ADAMTS6: variants seen among roughly 807,000 people sequenced by gnomAD.
ADAMTS6 encodes the protein A disintegrin and metalloproteinase with thrombospondin motifs 6.
ADAMTS6 carries 23 observed loss-of-function variants against 144.3 expected under a neutral mutation model. That is an observed-to-expected ratio of 0.16 (90% CI 0.11 to 0.23). The LOEUF (loss-of-function observed/expected upper bound fraction) is 0.23, where lower values mean the gene tolerates loss of function less well. Among genes scored for constraint, ADAMTS6 ranks in the 10% least tolerant of loss-of-function variants. ADAMTS6 has a pLI of 1.00. For synonymous variants in ADAMTS6, 444 were observed against 457.5 expected (o/e 0.97, Z 0.38); for missense variants, 999 against 1,379.6 (o/e 0.72, Z 4.37).
At chr5:65,209,526 T>C (rs1237543603) in intron 20 of ADAMTS6, among the ~76,000 whole-genome samples, 2 of 152,212 alleles carry the variant, frequency 1.3e-5, no homozygotes, top group Non-Finnish European at 2.9e-5. Context: ...GACCATTACT[T>C]GGACTGAATC....
chr5:65,302,092 C>CAAAAA (rs1182825165), intron 9 of ADAMTS6, among the ~76,000 whole-genome samples: 1 of 19,976 alleles, frequency 5.0e-5, no homozygotes, highest in African/African-American at 1.8e-4. Flanking sequence ...GCTCTGTCTC[C>CAAAAA]AAAAAAAAAA....
intron 18 of ADAMTS6, 75 bp from the exon 19 acceptor site, chr5:65,215,562 T>A (rs945205233): frequency 3.0e-6 from 4 of 1,322,606 alleles, no homozygotes; most frequent in Admixed American, 2.1e-5. Flanking sequence ...ATTACTGCAA[T>A]AAAGTATACA....
intron 9 of ADAMTS6, among the ~76,000 whole-genome samples, chr5:65,318,358 A>G (rs1235188430): frequency 6.6e-6 from 1 of 152,160 alleles, no homozygotes; most frequent in Admixed American, 6.6e-5. Context: ...CTACCATATG[A>G]TCCAGCAATC....
Position 65,262,938 on chromosome 5 carries a change from G to A in ADAMTS6, c.1645C>T (p.Pro549Ser). ...ATGCTCTGGGGCCAAGTGCCAAAAG[G>A]AACACAATCTCCCTGATAACACCAC... ...KGWCYQGDCV[P>S]FGTWPQSIDG... Residue 549 changes from proline to serine, a missense_variant, in exon 13 of 25, where the codon CCT (proline) becomes TCT (serine). Around this residue, in one of 3 missense-constraint regions of ADAMTS6, gnomAD observed 619 missense variants for 837.0 expected, o/e 0.74. Transcript: ENST00000381055. 6.2e-7 allele frequency: 1 copy of A among 1,613,762 alleles called. No individual in the cohort carries two copies. Among genetic ancestry groups the A allele is most frequent in the Non-Finnish European group, 8.5e-7 (1 of 1,179,874 alleles).
rs565507599 is a variant in ADAMTS6, at chr5:65,403,135, T to C, written c.1073+48340A>G. ...TCTGATATAGATGATGATGCTTTCC[T>C]CCTTGAAACAATTTTTTCACTTGTC... On this transcript the variant is annotated intron_variant, in intron 7 of 24. Transcript: ENST00000381055. 2.4e-4 allele frequency among the ~76,000 whole-genome samples: 36 copies of C among 152,280 alleles called. 1 individual carries two copies. The South Asian group carries it at 7.0e-3, about 30-fold the overall frequency.
At chr5:65,203,981 CT>C (rs1755911459) in intron 20 of ADAMTS6, among the ~76,000 whole-genome samples, 1 of 152,148 alleles carries the variant, frequency 6.6e-6, no homozygotes, top group African/African-American at 2.4e-5. Context: ...CCAAACCCTG[CT>C]CGTGTTAGGG....
chr5:65,270,350 G>A (rs1761959422), intron 12 of ADAMTS6, among the ~76,000 whole-genome samples: 1 of 151,990 alleles, frequency 6.6e-6, no homozygotes, highest in South Asian at 2.1e-4. Flanking sequence ...TCCTTCTTAA[G>A]GAGAAAAAAA....
At chr5:65,264,211 C>T (rs1223035752) in intron 12 of ADAMTS6, among the ~76,000 whole-genome samples, 1 of 152,072 alleles carries the variant, frequency 6.6e-6, no homozygotes, top group Admixed American at 6.6e-5. Context: ...CACCTTTTTG[C>T]TTAAAAAAAC....
chr5:65,389,267 G>A (rs1752722224), intron 7 of ADAMTS6, among the ~76,000 whole-genome samples: 1 of 152,002 alleles, frequency 6.6e-6, no homozygotes, highest in African/African-American at 2.4e-5. Flanking sequence ...GAAAAATGAT[G>A]GGAGAATAAT....
At chr5:65,409,054 T>A (rs542812245) in intron 7 of ADAMTS6, among the ~76,000 whole-genome samples, 42 of 152,120 alleles carry the variant, frequency 2.8e-4, no homozygotes, top group African/African-American at 8.7e-4. Flanking sequence ...GCAGGAAAGA[T>A]CTAAAATGGA....
intron 12 of ADAMTS6, among the ~76,000 whole-genome samples, chr5:65,267,244 C>G (rs1052776530): frequency 6.6e-6 from 1 of 151,968 alleles, no homozygotes; most frequent in African/African-American, 2.4e-5. Flanking sequence ...AGTTTCTAAT[C>G]TTTATTTTCA....
intron 15 of ADAMTS6, among the ~76,000 whole-genome samples, chr5:65,232,713 T>A (rs1463041125): frequency 1.3e-5 from 2 of 149,928 alleles, no homozygotes; most frequent in African/African-American, 2.5e-5. Context: ...AAAAAAAACC[T>A]CTCATCAAAT....
At chr5:65,379,040 G>A (rs1346513648) in intron 7 of ADAMTS6, among the ~76,000 whole-genome samples, 3 of 152,096 alleles carry the variant, frequency 2.0e-5, no homozygotes, top group African/African-American at 7.2e-5. Context: ...TAAGATACAT[G>A]TGTTCATTAG....
chr5:65,288,495 T>C (rs1454036892), intron 11 of ADAMTS6, among the ~76,000 whole-genome samples: 1 of 152,050 alleles, frequency 6.6e-6, no homozygotes, highest in Non-Finnish European at 1.5e-5. Context: ...AATTTTTGTA[T>C]TTTTAGTAGA....
At chr5:65,204,839 T>C (rs1355267160) in intron 20 of ADAMTS6, among the ~76,000 whole-genome samples, 1 of 152,196 alleles carries the variant, frequency 6.6e-6, no homozygotes, top group Non-Finnish European at 1.5e-5. Flanking sequence ...CAAAAAATAA[T>C]AGTACATTGT....
At chr5:65,167,217 C>A (rs1459987879) in intron 24 of ADAMTS6, among the ~76,000 whole-genome samples, 3 of 150,562 alleles carry the variant, frequency 2.0e-5, no homozygotes, top group Non-Finnish European at 1.5e-5. Flanking sequence ...ACTGATCCCA[C>A]AGAAATACAA....
intron 20 of ADAMTS6, among the ~76,000 whole-genome samples, chr5:65,209,709 G>A (rs761947114): frequency 2.6e-4 from 39 of 152,180 alleles, no homozygotes; most frequent in Non-Finnish European, 5.6e-4. Context: ...AAAATAACAA[G>A]TGAGAACACT....
At chr5:65,277,965 G>T (rs781768020) in intron 11 of ADAMTS6, among the ~76,000 whole-genome samples, 3 of 152,036 alleles carry the variant, frequency 2.0e-5, no homozygotes, top group Non-Finnish European at 2.9e-5. Flanking sequence ...CTAATATGTA[G>T]TTTACCTCTA....
intron 14 of ADAMTS6, among the ~76,000 whole-genome samples, chr5:65,243,398 C>T (rs976348634): frequency 6.6e-6 from 1 of 152,074 alleles, no homozygotes. Context: ...ATCATTACTT[C>T]GTATATAATA....
Sources: gnomAD v4.1 joint callset for allele counts (sites outside exome capture counted in the v4.1 genomes callset) on GRCh38, gnomAD v4.1.1 for gene constraint, gnomAD v4.1.1 regional missense constraint, MANE v1.5 for transcripts, NCBI Gene and HGNC (gene_info 2026-07-23, HGNC 2026-07-21) for gene names.